HERPUD2: variants seen among roughly 807,000 people sequenced by gnomAD.
HERPUD2 encodes homocysteine-responsive endoplasmic reticulum-resident ubiquitin-like domain member 2 protein.
In HERPUD2, 13 loss-of-function variants were observed where a neutral mutation model predicts 49.9. The ratio of observed to expected loss-of-function variants is 0.26; its 90% CI spans 0.17 to 0.41. The LOEUF is 0.41. Ranked by LOEUF, HERPUD2 falls within the 10% of genes least tolerant of loss-of-function variation. The pLI is 1.00. For synonymous variants in HERPUD2, 172 were observed against 171.4 expected, an observed-to-expected ratio of 1.00 and a Z score of -0.03; for missense variants, 449 against 492.2, an observed-to-expected ratio of 0.91 and a Z score of 0.83.
At chr7:35,633,886 A>G (rs1466866123) in intron 8 of HERPUD2, 35 bp from the exon 9 acceptor site, 1 of 1,595,012 alleles carries the variant, frequency 6.3e-7, no homozygotes, top group Admixed American at 1.7e-5. Flanking sequence ...CTCCTGAGTG[A>G]TATGAACGAG....
At chr7:35,634,477 A>C (rs1784838984) in intron 7 of HERPUD2, 48 bp from the exon 8 acceptor site, 1 of 1,131,912 alleles carries the variant, frequency 8.8e-7, no homozygotes, top group African/African-American at 1.5e-5. Flanking sequence ...AGTTGTTTTT[A>C]TTTGTAACAC....
intron 2 of HERPUD2, among the ~76,000 whole-genome samples, chr7:35,685,898 T>A (rs1402022574): frequency 6.6e-6 from 1 of 151,356 alleles, no homozygotes; most frequent in African/African-American, 2.4e-5. Flanking sequence ...GAGGCGGAGG[T>A]TGCGGTGAGC....
At chr7:35,662,579 A>C (rs1785447763) in intron 5 of HERPUD2, among the ~76,000 whole-genome samples, 1 of 152,202 alleles carries the variant, frequency 6.6e-6, no homozygotes, top group South Asian at 2.1e-4. Flanking sequence ...TCAGGGATTC[A>C]ACTTCTTCCT....
chr7:35,642,471 A>T (rs1294945615), intron 5 of HERPUD2, among the ~76,000 whole-genome samples: 1 of 152,222 alleles, frequency 6.6e-6, no homozygotes, highest in East Asian at 1.9e-4. Flanking sequence ...ATATACCCAA[A>T]GAAATATAAA....
At chr7:35,643,665 A>T (rs1259612545) in intron 5 of HERPUD2, among the ~76,000 whole-genome samples, 1 of 151,808 alleles carries the variant, frequency 6.6e-6, no homozygotes, top group Non-Finnish European at 1.5e-5. Flanking sequence ...CAATGGAAAA[A>T]ATAATAATAA....
chr7:35,686,717 T>A (rs1302316456), intron 2 of HERPUD2, among the ~76,000 whole-genome samples: 1 of 3,078 alleles, frequency 3.2e-4, no homozygotes, highest in Non-Finnish European at 1.1e-3. Flanking sequence ...ACACTCCGTC[T>A]CAAAAAAAAA....
chr7:35,674,378 C>CA (rs1562682656), intron 2 of HERPUD2, among the ~76,000 whole-genome samples: 10 of 34,930 alleles, frequency 2.9e-4, no homozygotes, highest in Non-Finnish European at 4.4e-4. Context: ...AGTCTTACAA[C>CA]CTATATATAT....
chr7:35,650,817 C>G (rs1247657390), intron 5 of HERPUD2, among the ~76,000 whole-genome samples: 1 of 152,138 alleles, frequency 6.6e-6, no homozygotes, highest in African/African-American at 2.4e-5. Flanking sequence ...AGTGCATCTC[C>G]CGAGCACTGT....
At chr7:35,694,067 G>T in intron 2 of HERPUD2, 117 bp downstream of exon 2, 7 of 1,021,598 alleles carry the variant, frequency 6.9e-6, no homozygotes, top group Non-Finnish European at 1.0e-5. Context: ...ATACCTCGCG[G>T]TCTACCAAAA....
chr7:35,665,255 G>T (rs1785512748), intron 5 of HERPUD2, among the ~76,000 whole-genome samples: 1 of 152,226 alleles, frequency 6.6e-6, no homozygotes, highest in South Asian at 2.1e-4. Flanking sequence ...TTGAGCTGAG[G>T]TGGGCTCCAC....
intron 2 of HERPUD2, among the ~76,000 whole-genome samples, chr7:35,683,516 G>T (rs548151966): frequency 2.8e-4 from 43 of 152,294 alleles, no homozygotes; most frequent in African/African-American, 9.6e-4. Flanking sequence ...CTTAGGCAAG[G>T]ATTTCATGAC....
chr7:35,656,913 TAAAAG>T (rs2115903596), intron 5 of HERPUD2, among the ~76,000 whole-genome samples: 1 of 150,784 alleles, frequency 6.6e-6, no homozygotes, highest in Admixed American at 6.6e-5. Context: ...ATAAAACTAC[TAAAAG>T]AAAACAGGGG....
intron 3 of HERPUD2, among the ~76,000 whole-genome samples, chr7:35,671,210 A>G (rs1562681477): frequency 6.6e-6 from 1 of 152,154 alleles, no homozygotes; most frequent in Non-Finnish European, 1.5e-5. Flanking sequence ...CAAATCCAAG[A>G]AAGGGTACAA....
Position 35,682,945 on chromosome 7 carries a change from C to G in HERPUD2, c.148-9667G>C, listed in dbSNP as rs117868568. 8.3e-4 allele frequency among the ~76,000 whole-genome samples: 126 copies of G among 152,062 alleles called. No individual in the cohort carries two copies. In the East Asian group the frequency reaches 0.022, roughly 27 times the overall value. On this transcript the variant is annotated intron_variant, in intron 2 of 8. Transcript: ENST00000311350. ...GACAACACAAACAAACAGAAACACA[C>G]CCCATGCTCATGGATGAGTAGAATC...
At chr7:35,639,195 A>AT (rs1383349798) in intron 5 of HERPUD2, among the ~76,000 whole-genome samples, 155 of 148,876 alleles carry the variant, frequency 1.0e-3, no homozygotes, top group African/African-American at 2.1e-3. Flanking sequence ...CACCTGGCTA[A>AT]TTTTTTTTTT....
chr7:35,689,097 CTT>C (rs1238498911), intron 2 of HERPUD2, among the ~76,000 whole-genome samples: 2 of 152,004 alleles, frequency 1.3e-5, no homozygotes, highest in African/African-American at 4.8e-5. Context: ...AAAAAAGAAA[CTT>C]AAGCTAAAAG....
intron 2 of HERPUD2, among the ~76,000 whole-genome samples, chr7:35,683,213 C>T (rs1476955807): frequency 2.0e-5 from 3 of 152,080 alleles, no homozygotes; most frequent in East Asian, 1.9e-4. Context: ...GGTACTGATA[C>T]AAAAACAGGC....
rs1784822657 is a variant in HERPUD2 at position 35,633,679 on chromosome 7, A to G, written c.*11T>C. 1 of 1,610,390 alleles carries G rather than the reference A, an allele frequency of 6.2e-7. No homozygotes were observed. The highest frequency in any genetic ancestry group is 1.7e-5 in the Admixed American group (1 of 59,150). On this transcript the variant is annotated 3_prime_UTR_variant, in exon 9 of 9. Transcript: ENST00000311350. ...GTCAGACCCTCCTTGTAGCTGGCAC[A>G]GTTTTTCAGGTCAATTGGCAACCTG...
At position 35,633,012 on chromosome 7, in the gene HERPUD2, AATTAAAC is replaced by A. The variant is rs1263002556; in HGVS notation, c.*671_*677del. On this transcript the variant is annotated 3_prime_UTR_variant, in exon 9 of 9. Transcript: ENST00000311350. ...CACGGAAAACAGATATATCTATTCA[AATTAAAC>A]ATTAAAGGGCCAGGCTACTAGCTAT... 2.0e-5 allele frequency: 3 copies of A among 152,084 alleles called. No individual in the cohort carries two copies. Among genetic ancestry groups the A allele is most frequent in the Non-Finnish European group, 4.4e-5 (3 of 68,006 alleles). 9.4% of individuals were successfully genotyped at this position (152,084 alleles called of 1,614,324 possible).
Sources: allele counts gnomAD v4.1 joint callset (sites outside exome capture counted in the v4.1 genomes callset), GRCh38; gene constraint gnomAD v4.1.1; transcripts MANE v1.5; gene names NCBI Gene and HGNC (gene_info 2026-07-23, HGNC 2026-07-21).